IL1RAPL1: variants seen among roughly 807,000 people sequenced by gnomAD.
IL1RAPL1 encodes the protein interleukin-1 receptor accessory protein-like 1.
A neutral mutation model predicts 48.4 loss-of-function variants in IL1RAPL1; 3 were observed. The ratio of observed to expected loss-of-function variants is 0.06; its 90% CI spans 0.03 to 0.16. The LOEUF (loss-of-function observed/expected upper bound fraction) is 0.16. Ranked by LOEUF, IL1RAPL1 falls within the 10% of genes least tolerant of loss-of-function variation. The probability of loss-of-function intolerance (pLI) is 1.00; values close to 1 mark genes in which losing one functional copy is unlikely to be tolerated. For missense variants in IL1RAPL1, 349 were observed against 530.6 expected, an observed-to-expected ratio of 0.66 and a Z score of 3.36; for synonymous variants, 185 against 187.7, an observed-to-expected ratio of 0.99 and a Z score of 0.12.
At chrX:29,408,384 C>A (rs887241370) in intron 5 of IL1RAPL1, among the ~76,000 whole-genome samples, 1 of 111,435 alleles carries the variant, frequency 9.0e-6, no homozygotes, top group Non-Finnish European at 1.9e-5. Context: ...AACAAAGTAA[C>A]AACTGTATTG....
chrX:29,848,951 G>A (rs1412518631), intron 6 of IL1RAPL1, among the ~76,000 whole-genome samples: 2 of 110,395 alleles, frequency 1.8e-5, no homozygotes, highest in East Asian at 5.8e-4. Context: ...GTTTTCAGTA[G>A]AGATGGGGTT....
chrX:29,352,025 A>G (rs951265845), intron 3 of IL1RAPL1, among the ~76,000 whole-genome samples: 2 of 111,716 alleles, frequency 1.8e-5, no homozygotes, highest in African/African-American at 6.5e-5. Context: ...TATTTATTAT[A>G]TTTTTCATTT....
intron 2 of IL1RAPL1, among the ~76,000 whole-genome samples, chrX:28,980,871 T>C (rs1363924871): frequency 2.8e-5 from 3 of 107,776 alleles, no homozygotes; most frequent in Non-Finnish European, 5.7e-5. Flanking sequence ...GGAGGATCTC[T>C]TGAGCGCAAG....
intron 1 of IL1RAPL1, among the ~76,000 whole-genome samples, chrX:28,599,668 G>T (rs749050529): frequency 8.9e-6 from 1 of 111,866 alleles, no homozygotes. Context: ...CCTATCTGTT[G>T]TAAGAATGGT....
chrX:28,954,973 C>T (rs1043813125), intron 2 of IL1RAPL1, among the ~76,000 whole-genome samples: 6 of 111,803 alleles, frequency 5.4e-5, no homozygotes, highest in Admixed American at 1.9e-4. Flanking sequence ...TTATGCTACA[C>T]GTAAACAGTA....
chrX:29,630,896 T>C (rs990080823), intron 5 of IL1RAPL1, among the ~76,000 whole-genome samples: 1 of 112,759 alleles, frequency 8.9e-6, no homozygotes, highest in Non-Finnish European at 1.9e-5. Context: ...TCTATCTTTT[T>C]TGACATATTA....
chrX:29,632,983 A>G (rs1207280758), intron 5 of IL1RAPL1, among the ~76,000 whole-genome samples: 1 of 112,018 alleles, frequency 8.9e-6, no homozygotes, highest in Non-Finnish European at 1.9e-5. Flanking sequence ...GTATCTAATA[A>G]GGTTGAACAT....
At chrX:29,607,095 TATC>T (rs1373727944) in intron 5 of IL1RAPL1, among the ~76,000 whole-genome samples, 3 of 112,197 alleles carry the variant, frequency 2.7e-5, no homozygotes, top group Non-Finnish European at 5.6e-5. Context: ...ACACTAATTT[TATC>T]ATGTAGAGGA....
At chrX:28,656,640 C>CCTT (rs1934750009) in intron 1 of IL1RAPL1, among the ~76,000 whole-genome samples, 1 of 111,688 alleles carries the variant, frequency 9.0e-6, no homozygotes. Flanking sequence ...CTCAGAGAGG[C>CCTT]CTTCGGTGAC....
At position 28,973,111 on chromosome X, in the gene IL1RAPL1, T is replaced by C. The variant is rs186581808; in HGVS notation, c.82+183686T>C. Among the ~76,000 whole-genome samples, 3 of 112,262 alleles carry C rather than the reference T, an allele frequency of 2.7e-5. No individual in the cohort carries two copies. The Admixed American group carries it at 2.8e-4, about 11-fold the overall frequency. On this transcript the variant is annotated intron_variant, in intron 2 of 10. Transcript: ENST00000378993. ...GAGTTTTCCCCTTACCCATGCAATA[T>C]TTCCAGAGCATGTGATACATACTTC...
chrX:29,008,329 C>T (rs868049339), intron 2 of IL1RAPL1, among the ~76,000 whole-genome samples: 27 of 99,578 alleles, frequency 2.7e-4, no homozygotes, highest in Admixed American at 2.5e-3. Flanking sequence ...CGCCCGCCAC[C>T]ACGCTTGGCT....
chrX:29,240,195 C>CATATATATAT (rs1224933369), intron 2 of IL1RAPL1, among the ~76,000 whole-genome samples: 3 of 27,226 alleles, frequency 1.1e-4, no homozygotes, highest in East Asian at 1.0e-3. Context: ...CACACACACA[C>CATATATATAT]ATATATATAT....
At chrX:29,250,463 G>A (rs1311170183) in intron 2 of IL1RAPL1, among the ~76,000 whole-genome samples, 1 of 110,587 alleles carries the variant, frequency 9.0e-6, no homozygotes, top group Non-Finnish European at 1.9e-5. Context: ...ACTGAGTGCT[G>A]AGAATGCCAG....
At chrX:29,744,710 A>T (rs1310473940) in intron 6 of IL1RAPL1, among the ~76,000 whole-genome samples, 1 of 112,280 alleles carries the variant, frequency 8.9e-6, no homozygotes, top group East Asian at 2.8e-4. Flanking sequence ...ATTATATAAT[A>T]AATAAAAGCT....
At chrX:29,729,295 G>C (rs935505704) in intron 6 of IL1RAPL1, among the ~76,000 whole-genome samples, 4 of 110,907 alleles carry the variant, frequency 3.6e-5, no homozygotes, top group Non-Finnish European at 7.6e-5. Flanking sequence ...ATGCCACCCC[G>C]ACCTGGTGGC....
chrX:28,892,352 C>T (rs1486503235), intron 2 of IL1RAPL1, among the ~76,000 whole-genome samples: 2 of 109,662 alleles, frequency 1.8e-5, no homozygotes, highest in African/African-American at 6.7e-5. Context: ...GCTTTTTGAG[C>T]CAGGATGAGC....
intron 9 of IL1RAPL1, among the ~76,000 whole-genome samples, chrX:29,949,063 AT>A (rs1274749993): frequency 1.8e-5 from 2 of 111,783 alleles, no homozygotes; most frequent in East Asian, 5.5e-4. Flanking sequence ...TTCTAAAATA[AT>A]CCCGCAGATT....
At chrX:28,798,583 T>C (rs1468616960) in intron 2 of IL1RAPL1, among the ~76,000 whole-genome samples, 2 of 112,156 alleles carry the variant, frequency 1.8e-5, no homozygotes, top group Admixed American at 1.9e-4. Context: ...AGTCATATGC[T>C]TCAGGGATGA....
At chrX:28,768,112 C>T (rs1216358196) in intron 1 of IL1RAPL1, among the ~76,000 whole-genome samples, 1 of 111,190 alleles carries the variant, frequency 9.0e-6, no homozygotes, top group African/African-American at 3.3e-5. Context: ...TTAAACACAT[C>T]GTGTGGATTT....
Sources: gnomAD v4.1 joint callset for allele counts (sites outside exome capture counted in the v4.1 genomes callset) on GRCh38, gnomAD v4.1.1 for gene constraint, MANE v1.5 for transcripts, NCBI Gene and HGNC (gene_info 2026-07-23, HGNC 2026-07-21) for gene names.